LEKR1: variants seen among roughly 807,000 people sequenced by gnomAD.
LEKR1 encodes the protein leucine, glutamate and lysine rich 1, also known as protein LEKR1.
In LEKR1, 59 loss-of-function variants were observed where a neutral mutation model predicts 72.4. The ratio of observed to expected loss-of-function variants is 0.82; its 90% CI spans 0.66 to 1.01. The LOEUF is 1.01. Ranked by LOEUF, LEKR1 falls within the 50% of genes least tolerant of loss-of-function variation. The pLI, the probability that LEKR1 is intolerant of heterozygous loss-of-function variation, is 0.00. For missense variants in LEKR1, 728 were observed against 759.2 expected, an observed-to-expected ratio of 0.96 and a Z score of 0.48; for synonymous variants, 257 against 263.2, an observed-to-expected ratio of 0.98 and a Z score of 0.23.
intron 1 of LEKR1, among the ~76,000 whole-genome samples, chr3:156,829,081 T>C (rs1004685383): frequency 2.6e-5 from 4 of 152,214 alleles, no homozygotes; most frequent in African/African-American, 9.6e-5. Flanking sequence ...CTTAGCAGTC[T>C]CTATAGTTCT....
intron 3 of LEKR1, among the ~76,000 whole-genome samples, chr3:156,879,100 A>G (rs202195155): frequency 2.0e-5 from 3 of 152,194 alleles, no homozygotes; most frequent in Non-Finnish European, 4.4e-5. Context: ...TGTGGAAGCA[A>G]CTTTGGAACT....
intron 6 of LEKR1, among the ~76,000 whole-genome samples, chr3:156,947,594 G>A (rs1262148431): frequency 6.6e-6 from 1 of 150,952 alleles, no homozygotes; most frequent in East Asian, 1.9e-4. Flanking sequence ...GCATTCAATA[G>A]AAACCAGAAC....
chr3:156,926,225 T>C (rs1449115271), intron 4 of LEKR1, among the ~76,000 whole-genome samples: 1 of 152,024 alleles, frequency 6.6e-6, no homozygotes, highest in African/African-American at 2.4e-5. Flanking sequence ...AGGGAGACCA[T>C]CTAAGATAAA....
chr3:156,915,478 G>A (rs546282218), intron 3 of LEKR1, among the ~76,000 whole-genome samples: 6 of 151,320 alleles, frequency 4.0e-5, no homozygotes, highest in South Asian at 4.2e-4. Context: ...ATATCTCATC[G>A]GTGTTTTGAT....
intron 11 of LEKR1, 49 bp downstream of exon 11, chr3:157,024,973 A>G (rs764231937): frequency 1.5e-6 from 2 of 1,296,932 alleles, no homozygotes; most frequent in East Asian, 2.3e-5. Context: ...GAAACTGCAG[A>G]TGTTGTATAT....
chr3:156,904,992 T>C (rs1406295670), intron 3 of LEKR1, among the ~76,000 whole-genome samples: 1 of 152,080 alleles, frequency 6.6e-6, no homozygotes, highest in Non-Finnish European at 1.5e-5. Context: ...TCAAATTCGA[T>C]TTAATTAAAT....
At chr3:156,951,252 GA>G (rs1349285315) in intron 6 of LEKR1, among the ~76,000 whole-genome samples, 5 of 151,762 alleles carry the variant, frequency 3.3e-5, no homozygotes, top group African/African-American at 1.2e-4. Context: ...ATGTGCTGCT[GA>G]ATTTGGTTTG....
chr3:156,889,234 A>G (rs566145692), intron 3 of LEKR1, among the ~76,000 whole-genome samples: 1 of 152,078 alleles, frequency 6.6e-6, no homozygotes, highest in African/African-American at 2.4e-5. Context: ...TCTAGGGTTG[A>G]TAGCAAGAAT....
Position 157,045,749 on chromosome 3 carries a change from G to A in LEKR1, c.2078G>A (p.Ter693=). The change falls in exon 13 of 13, where the codon TGA becomes TAA. Residue 693 remains the stop codon, a stop_retained_variant. Coordinates refer to ENST00000356539, the MANE Select transcript of LEKR1 (RefSeq NM_001004316.3). The part of the protein sequence containing the change: ...AILRRRRSQQ[*] ...CTTAGGAGAAGGCGGAGTCAGCAAT[G>A]ATCCAAAATGAGGAGCAGGAAGCTC... 3.1e-6 allele frequency: 5 copies of A among 1,605,922 alleles called. No homozygotes were observed. Among genetic ancestry groups the A allele is most frequent in the Non-Finnish European group, 4.2e-6 (5 of 1,179,638 alleles).
At chr3:156,878,479 G>C (rs533664960) in intron 3 of LEKR1, among the ~76,000 whole-genome samples, 2 of 152,208 alleles carry the variant, frequency 1.3e-5, no homozygotes, top group African/African-American at 4.8e-5. Context: ...TTCCACTGTG[G>C]CCTGAGAGGA....
At chr3:156,899,713 CAT>C (rs1412681736) in intron 3 of LEKR1, among the ~76,000 whole-genome samples, 8 of 124,992 alleles carry the variant, frequency 6.4e-5, no homozygotes, top group African/African-American at 2.1e-4. Context: ...CATATATACA[CAT>C]ATATACATGC....
At chr3:156,893,312 G>A (rs150100850) in intron 3 of LEKR1, among the ~76,000 whole-genome samples, 4 of 152,286 alleles carry the variant, frequency 2.6e-5, no homozygotes, top group African/African-American at 7.2e-5. Flanking sequence ...GAGTTGTGAT[G>A]TGACGGAACA....
intron 1 of LEKR1, among the ~76,000 whole-genome samples, chr3:156,827,922 G>A (rs994105098): frequency 4.6e-5 from 7 of 152,216 alleles, no homozygotes; most frequent in South Asian, 2.1e-4. Flanking sequence ...TCCCAATAGA[G>A]TTGAAGTTAC....
At chr3:156,949,051 T>A (rs1372704885) in intron 6 of LEKR1, among the ~76,000 whole-genome samples, 1 of 151,514 alleles carries the variant, frequency 6.6e-6, no homozygotes, top group African/African-American at 2.4e-5. Flanking sequence ...TTTTAGATCC[T>A]TGATAATAGA....
chr3:156,883,178 A>G (rs9814160), intron 3 of LEKR1, among the ~76,000 whole-genome samples: 4,480 of 152,100 alleles, frequency 0.029, 235 homozygotes, highest in African/African-American at 0.1. Flanking sequence ...AAGAAAGAAA[A>G]AAAAAGATTT....
chr3:156,877,155 A>G (rs550924149), intron 3 of LEKR1, among the ~76,000 whole-genome samples: 2 of 152,318 alleles, frequency 1.3e-5, no homozygotes, highest in East Asian at 3.8e-4. Flanking sequence ...TGTATCTCTG[A>G]TATGAAACCT....
intron 5 of LEKR1, among the ~76,000 whole-genome samples, chr3:156,929,256 T>G (rs1724993365): frequency 6.6e-6 from 1 of 151,924 alleles, no homozygotes; most frequent in Non-Finnish European, 1.5e-5. Flanking sequence ...AACTTTTGAA[T>G]GTGGAATGTT....
At chr3:156,848,881 T>A (rs1015269595) in intron 2 of LEKR1, among the ~76,000 whole-genome samples, 1 of 152,166 alleles carries the variant, frequency 6.6e-6, no homozygotes, top group African/African-American at 2.4e-5. Context: ...GACATATATA[T>A]CTATGTTATT....
At position 157,045,956 on chromosome 3, in the gene LEKR1, C is replaced by A; in HGVS notation, c.*206C>A. 1.9e-6 allele frequency: 1 copy of A among 532,846 alleles called. No individual in the cohort carries two copies. Among genetic ancestry groups the A allele is most frequent in the Non-Finnish European group, 3.3e-6 (1 of 304,830 alleles). The allele number at this position is 532,846 out of a possible 1,614,324, so 33.0% of individuals were successfully genotyped here. On this transcript the variant is annotated 3_prime_UTR_variant, in exon 13 of 13. Coordinates refer to ENST00000356539, the MANE Select transcript of LEKR1 (RefSeq NM_001004316.3). The stretch of plus-strand genomic sequence containing the variant: ...AGAGGGTTTTGATAGAGTAACAGAT[C>A]ATTAAGTTGTTGGTATTCCAGAGGT...
Sources: allele counts gnomAD v4.1 joint callset (sites outside exome capture counted in the v4.1 genomes callset), GRCh38; gene constraint gnomAD v4.1.1; transcripts MANE v1.5; gene names NCBI Gene and HGNC (gene_info 2026-07-23, HGNC 2026-07-21).